The following PDZD2 variants were observed in gnomAD, a reference collection of about 807,000 sequenced individuals.
The protein encoded by PDZD2 is PDZ domain-containing protein 2.
Under a neutral mutation model 220.7 loss-of-function variants are expected in PDZD2, and 90 were observed. The ratio of observed to expected loss-of-function variants is 0.41; its 90% confidence interval spans 0.34 to 0.49. PDZD2 has a LOEUF of 0.49. Among genes scored for constraint, PDZD2 ranks in the 20% least tolerant of loss-of-function variants. The pLI, the probability that PDZD2 is intolerant of heterozygous loss-of-function variation, is 0.28. For missense variants in PDZD2, 3,174 were observed against 3,608.5 expected, an observed-to-expected ratio of 0.88 and a Z score of 3.08; for synonymous variants, 1,375 against 1,450.5, an observed-to-expected ratio of 0.95 and a Z score of 1.18.
intron 1 of PDZD2, among the ~76,000 whole-genome samples, chr5:31,773,202 C>T (rs1752433351): frequency 6.6e-6 from 1 of 152,184 alleles, no homozygotes; most frequent in South Asian, 2.1e-4. Context: ...AAACTGGTTC[C>T]AAAACCAAGT....
chr5:31,930,509 C>G (rs1381282967), intron 2 of PDZD2, among the ~76,000 whole-genome samples: 1 of 151,998 alleles, frequency 6.6e-6, no homozygotes, highest in Non-Finnish European at 1.5e-5. Context: ...AGGTATTTCC[C>G]TATAGTGACA....
intron 1 of PDZD2, among the ~76,000 whole-genome samples, chr5:31,725,363 G>A: frequency 6.6e-6 from 1 of 150,482 alleles, no homozygotes; most frequent in East Asian, 1.9e-4. Context: ...AAAAAAGAGT[G>A]GCTTCTCAAC....
rs374328410 is a variant in PDZD2, at chr5:32,089,132, A to T, written c.5684A>T (p.Lys1895Ile). ...AGGCTCAGCCTCAAGGGCAAGGCCA[A>T]AGTCAACTCTGAGGCCCCTGCTGCG... ...LKRLSLKGKAKVNSEAPAANA... is the reference protein window; with the variant it reads ...LKRLSLKGKAIVNSEAPAANA... Residue 1895 changes from lysine to isoleucine, a missense_variant, in exon 20 of 25, where the codon AAA (lysine) becomes ATA (isoleucine). This residue lies in a region of PDZD2 where 1,861 missense variants were observed against 2,001.0 expected (regional missense o/e 0.93). Coordinates refer to ENST00000438447, the MANE Select transcript of PDZD2 (RefSeq NM_178140.4). 2 of 1,613,978 alleles carry T rather than the reference A, an allele frequency of 1.2e-6. No homozygotes were observed. The highest frequency in any genetic ancestry group is 8.5e-7 in the Non-Finnish European group (1 of 1,179,978).
In PDZD2 at chr5:32,087,430, C is replaced by T. The variant is rs1430560857; in HGVS notation, c.3982C>T (p.Pro1328Ser). 6.2e-7 allele frequency: 1 copy of T among 1,614,122 alleles called. No homozygotes were observed. Among genetic ancestry groups the T allele is most frequent in the African/African-American group, 1.3e-5 (1 of 75,074 alleles). The change falls in exon 20 of 25, where the codon CCT becomes TCT. Residue 1328 changes from proline to serine, a missense_variant. Around this residue, in one of 4 missense-constraint regions of PDZD2, gnomAD observed 1,861 missense variants for 2,001.0 expected, o/e 0.93. Transcript: ENST00000438447. The surrounding 1 kb of genome is among the most constrained non-coding windows in gnomAD (Gnocchi z 4.0). ...GGTGGCTGCCCTCAGGGGAGCGGGA[C>T]CTGGAGCAGAGGGAATGACACCAGC... Reference protein sequence around the residue: ...RRVAALRGAGPGAEGMTPAGA... With the variant: ...RRVAALRGAGSGAEGMTPAGA...
intron 10 of PDZD2, among the ~76,000 whole-genome samples, chr5:32,056,664 G>A (rs1739113649): frequency 6.6e-6 from 1 of 152,124 alleles, no homozygotes; most frequent in African/African-American, 2.4e-5. Flanking sequence ...GGAGAGCTGG[G>A]GCAGGGGGCC....
intron 2 of PDZD2, among the ~76,000 whole-genome samples, chr5:31,819,485 C>T (rs1003495364): frequency 5.3e-5 from 8 of 151,814 alleles, no homozygotes; most frequent in African/African-American, 1.7e-4. Flanking sequence ...GGTAAAACCC[C>T]GTCTCTACTA....
At chr5:31,967,086 T>G (rs7726919) in intron 2 of PDZD2, among the ~76,000 whole-genome samples, 64,070 of 152,096 alleles carry the variant, frequency 0.42, 13,972 homozygotes, top group Middle Eastern at 0.49. Context: ...GGAAGCTGTT[T>G]TGACATAAGT....
In PDZD2 at chr5:31,639,682, CAGAG is replaced by C. The variant is rs113809444; in HGVS notation, c.-361+246_-361+249del. On this transcript the variant is annotated intron_variant, in intron 1 of 24. Coordinates refer to ENST00000438447, the MANE Select transcript of PDZD2 (RefSeq NM_178140.4). The surrounding 1 kb of genome is among the most constrained non-coding windows in gnomAD (Gnocchi z 4.1). The stretch of plus-strand genomic sequence containing the variant: ...GCGCAGCCCAGGGGAGGGGGCTAGA[CAGAG>C]CGGGACCGAGACAGCGGGACAACCG... Among the ~76,000 whole-genome samples, 76 of 152,316 alleles carry C rather than the reference CAGAG, an allele frequency of 5.0e-4. No individual in the cohort carries two copies. Among genetic ancestry groups the C allele is most frequent in the African/African-American group, 1.7e-3 (71 of 41,584 alleles).
intron 2 of PDZD2, among the ~76,000 whole-genome samples, chr5:31,913,921 G>T (rs577664845): frequency 7.2e-6 from 1 of 138,774 alleles, no homozygotes; most frequent in South Asian, 2.5e-4. Flanking sequence ...CATTTTAACT[G>T]TGTCATTCTC....
At position 31,811,444 on chromosome 5, in the gene PDZD2, A is replaced by G. The variant is rs571913876; in HGVS notation, c.476+11720A>G. On this transcript the variant is annotated intron_variant, in intron 2 of 24. Coordinates refer to ENST00000438447, the MANE Select transcript of PDZD2 (RefSeq NM_178140.4). Reference sequence around the variant, plus strand: ...GGGCTCTTTGTTCACCAAAGGAAAGATGATTCTATCATTTGCAATGTCTCT... The same window carrying G: ...GGGCTCTTTGTTCACCAAAGGAAAGGTGATTCTATCATTTGCAATGTCTCT... Among the ~76,000 whole-genome samples the G allele has an allele frequency of 5.3e-5, 8 of 152,316 alleles. No individual in the cohort carries two copies. The South Asian group carries it at 1.7e-3, about 32-fold the overall frequency.
intron 2 of PDZD2, among the ~76,000 whole-genome samples, chr5:31,838,785 G>A (rs958245134): frequency 6.6e-6 from 1 of 152,156 alleles, no homozygotes; most frequent in Non-Finnish European, 1.5e-5. Context: ...GGCAAGCCAC[G>A]GAGAATTCCA....
chr5:32,097,922 G>GT (rs923329393), intron 22 of PDZD2, among the ~76,000 whole-genome samples: 5 of 151,656 alleles, frequency 3.3e-5, no homozygotes, highest in East Asian at 3.9e-4. Flanking sequence ...CTGAATGTAT[G>GT]TTTTTTTTTA....
At chr5:31,878,152 C>T (rs1739483312) in intron 2 of PDZD2, among the ~76,000 whole-genome samples, 1 of 152,130 alleles carries the variant, frequency 6.6e-6, no homozygotes, top group Non-Finnish European at 1.5e-5. Context: ...GCTCAACAAG[C>T]ACCCTAGCAC....
At chr5:32,037,407 A>G (rs1158646385) in intron 7 of PDZD2, 65 bp downstream of exon 7, 18 of 915,504 alleles carry the variant, frequency 2.0e-5, no homozygotes, top group Non-Finnish European at 2.0e-5. Context: ...GAGCAGGGAG[A>G]TGAAGCCATT....
At chr5:31,674,198 G>C (rs1746319816) in intron 1 of PDZD2, among the ~76,000 whole-genome samples, 1 of 152,204 alleles carries the variant, frequency 6.6e-6, no homozygotes, top group African/African-American at 2.4e-5. Context: ...CAGGAAGATG[G>C]CTTAGACCAA....
chr5:31,995,448 CCTGTGATAAT>C, intron 3 of PDZD2, 118 bp from the exon 4 acceptor site: 1 of 960,912 alleles, frequency 1.0e-6, no homozygotes, highest in Non-Finnish European at 1.6e-6. Context: ...ATTCTTTTCT[CCTGTGATAAT>C]CTGTGATATC....
At chr5:31,815,135 C>CT (rs1755357238) in intron 2 of PDZD2, among the ~76,000 whole-genome samples, 1 of 150,528 alleles carries the variant, frequency 6.6e-6, no homozygotes. Flanking sequence ...ATCCCAGCTA[C>CT]TCAGGAGGCT....
At chr5:32,043,153 G>A (rs1284517178) in intron 7 of PDZD2, among the ~76,000 whole-genome samples, 1 of 152,202 alleles carries the variant, frequency 6.6e-6, no homozygotes, top group Non-Finnish European at 1.5e-5. Flanking sequence ...ATGGGGAGGG[G>A]GCGCTGGAGG....
chr5:31,868,133 G>GT, intron 2 of PDZD2, among the ~76,000 whole-genome samples: 1 of 152,294 alleles, frequency 6.6e-6, no homozygotes, highest in Non-Finnish European at 1.5e-5. Flanking sequence ...AACCATCTCA[G>GT]TGAAGGAATA....
Sources: gnomAD v4.1 joint callset for allele counts (sites outside exome capture counted in the v4.1 genomes callset) on GRCh38, gnomAD v4.1.1 for gene constraint, gnomAD v4.1.1 regional missense constraint, Gnocchi (gnomAD v3.1) non-coding constraint, MANE v1.5 for transcripts, NCBI Gene and HGNC (gene_info 2026-07-23, HGNC 2026-07-21) for gene names.